The following UBAC2 variants were observed in gnomAD, a reference collection of about 807,000 sequenced individuals.
UBAC2 encodes ubiquitin-associated domain-containing protein 2.
A neutral mutation model predicts 44.0 loss-of-function variants in UBAC2; 26 were observed. The observed-to-expected ratio is 0.59, with a 90% CI of 0.43 to 0.82. The LOEUF is 0.82. Among genes scored for constraint, UBAC2 ranks in the 40% least tolerant of loss-of-function variants. The pLI is 0.00. For synonymous variants in UBAC2, 155 were observed against 154.3 expected, an observed-to-expected ratio of 1.00 and a Z score of -0.04; for missense variants, 329 against 419.4, an observed-to-expected ratio of 0.78 and a Z score of 1.88.
At chr13:99,332,053 TATC>T in intron 6 of UBAC2, among the ~76,000 whole-genome samples, 1 of 152,214 alleles carries the variant, frequency 6.6e-6, no homozygotes, top group South Asian at 2.1e-4. Context: ...GCAGAGGCAA[TATC>T]ATGCCCCTGG....
chr13:99,343,546 T>C (rs1347567909), intron 7 of UBAC2, among the ~76,000 whole-genome samples: 1 of 152,226 alleles, frequency 6.6e-6, no homozygotes, highest in African/African-American at 2.4e-5. Context: ...TCCACTTTCA[T>C]AGGATGGTCT....
chr13:99,356,247 A>T (rs368834775), intron 7 of UBAC2: 2 of 529,722 alleles, frequency 3.8e-6, no homozygotes, highest in African/African-American at 3.9e-5. Context: ...GCCATCCCCA[A>T]TCAGTCCCTG....
At chr13:99,347,180 G>C (rs2138846594) in intron 7 of UBAC2, among the ~76,000 whole-genome samples, 1 of 142,848 alleles carries the variant, frequency 7.0e-6, no homozygotes, top group Admixed American at 7.0e-5. Context: ...CCCATGTCTA[G>C]AGAGTGCAAA....
At chr13:99,346,743 C>T (rs1261083174) in intron 7 of UBAC2, among the ~76,000 whole-genome samples, 3 of 152,194 alleles carry the variant, frequency 2.0e-5, no homozygotes, top group African/African-American at 4.8e-5. Flanking sequence ...CTCTCTCTGC[C>T]CCTGTAGACA....
At position 99,318,946 on chromosome 13, in the gene UBAC2, GA is replaced by G. The variant is rs540919224; in HGVS notation, c.561+888del. On this transcript the variant is annotated intron_variant, in intron 6 of 8. Coordinates refer to ENST00000403766, the MANE Select transcript of UBAC2 (RefSeq NM_001144072.2). Reference sequence around the variant, plus strand: ...TTGTCAGTGTTGTTTTTAAATCATAGAAAAAAAAAAAGCCTGAAAATGAAGA... The same window carrying G: ...TTGTCAGTGTTGTTTTTAAATCATAGAAAAAAAAAAGCCTGAAAATGAAGA... Among the ~76,000 whole-genome samples the G allele has an allele frequency of 5.3e-3, 697 of 131,346 alleles. 5 individuals are homozygous for G. The highest frequency in any genetic ancestry group is 0.016 in the African/African-American group (568 of 35,534). 86.2% of individuals were successfully genotyped at this position (131,346 alleles called of 152,430 possible).
intron 1 of UBAC2, among the ~76,000 whole-genome samples, chr13:99,232,399 G>GAGATAGATAGATATATAT (rs1367302629): frequency 2.1e-4 from 23 of 109,902 alleles, no homozygotes; most frequent in African/African-American, 6.3e-4. Context: ...TTAGTTGAGA[G>GAGATAGATAGATATATAT]ATATAGATAT....
chr13:99,201,924 T>A (rs1050573761), intron 1 of UBAC2, among the ~76,000 whole-genome samples: 4 of 151,858 alleles, frequency 2.6e-5, no homozygotes, highest in Non-Finnish European at 5.9e-5. Context: ...ACACAAAAAA[T>A]TAGCTGGGCG....
chr13:99,219,392 C>T (rs1248286401), intron 1 of UBAC2, among the ~76,000 whole-genome samples: 1 of 152,176 alleles, frequency 6.6e-6, no homozygotes, highest in Non-Finnish European at 1.5e-5. Context: ...ACTTCCAGTA[C>T]ATTTACATTG....
At chr13:99,338,071 T>TTTTTTTTTTTTTTTTTTTTA (rs1555330450) in intron 6 of UBAC2, among the ~76,000 whole-genome samples, 12 of 105,078 alleles carry the variant, frequency 1.1e-4, no homozygotes, top group East Asian at 2.8e-4. Context: ...TTTTTTTTTT[T>TTTTTTTTTTTTTTTTTTTTA]TTTTGAGACA....
intron 7 of UBAC2, among the ~76,000 whole-genome samples, chr13:99,342,606 C>T (rs2044908197): frequency 6.6e-6 from 1 of 152,154 alleles, no homozygotes; most frequent in South Asian, 2.1e-4. Context: ...CATTCGTGTG[C>T]CAGCGCTGGG....
intron 8 of UBAC2, among the ~76,000 whole-genome samples, chr13:99,374,747 G>A (rs1006860806): frequency 6.6e-6 from 1 of 152,128 alleles, no homozygotes; most frequent in Admixed American, 6.5e-5. Context: ...GCCAAGCATG[G>A]CAGCACATTG....
chr13:99,201,527 G>T, intron 1 of UBAC2: 1 of 1,614,184 alleles, frequency 6.2e-7, no homozygotes, highest in African/African-American at 1.3e-5. Flanking sequence ...CTGTGCTGCT[G>T]GATGTTGCTG....
intron 4 of UBAC2, among the ~76,000 whole-genome samples, chr13:99,257,242 A>G (rs1309229254): frequency 6.6e-6 from 1 of 152,236 alleles, no homozygotes; most frequent in Non-Finnish European, 1.5e-5. Context: ...CTATCAAATG[A>G]GGAAAGTGCT....
chr13:99,208,495 T>G lies in UBAC2; in HGVS notation c.31+7556T>G, dbSNP rs2042901216. On this transcript the variant is annotated intron_variant, in intron 1 of 8. Transcript: ENST00000403766. ...GGCCACATAAGGTGATGATCTTAGGTGATAGAAGTCTTGAAATGTAGGCTC... is the reference window on the plus strand; with the variant it reads ...GGCCACATAAGGTGATGATCTTAGGGGATAGAAGTCTTGAAATGTAGGCTC... Among the ~76,000 whole-genome samples the G allele has an allele frequency of 2.0e-5, 3 of 152,354 alleles. No homozygotes were observed. In the South Asian group the frequency reaches 6.2e-4, roughly 32 times the overall value.
At chr13:99,341,244 T>C (rs1001798812) in intron 7 of UBAC2, among the ~76,000 whole-genome samples, 3 of 152,174 alleles carry the variant, frequency 2.0e-5, no homozygotes, top group African/African-American at 7.2e-5. Flanking sequence ...CGCCTCCACC[T>C]TCTTTACCCC....
At chr13:99,358,878 C>T (rs1287577047) in intron 7 of UBAC2, among the ~76,000 whole-genome samples, 1 of 152,120 alleles carries the variant, frequency 6.6e-6, no homozygotes, top group Non-Finnish European at 1.5e-5. Flanking sequence ...TTAGGTGTCT[C>T]CTTAACATTT....
chr13:99,232,399 GATATAGATAT>G (rs2043184495), intron 1 of UBAC2, among the ~76,000 whole-genome samples: 1 of 109,902 alleles, frequency 9.1e-6, no homozygotes, highest in Non-Finnish European at 2.1e-5. Context: ...TTAGTTGAGA[GATATAGATAT>G]ATATATATAT....
intron 8 of UBAC2, among the ~76,000 whole-genome samples, chr13:99,369,508 G>A (rs1379698019): frequency 6.6e-6 from 1 of 152,168 alleles, no homozygotes; most frequent in Non-Finnish European, 1.5e-5. Flanking sequence ...CCCAACTGTA[G>A]GGTAATGTTA....
chr13:99,247,997 C>T (rs927888276), intron 4 of UBAC2, among the ~76,000 whole-genome samples: 1 of 152,022 alleles, frequency 6.6e-6, no homozygotes, highest in African/African-American at 2.4e-5. Flanking sequence ...TGCTTTTAAC[C>T]TCTCGTTGTT....
Sources: allele counts gnomAD v4.1 joint callset (sites outside exome capture counted in the v4.1 genomes callset), GRCh38; gene constraint gnomAD v4.1.1; transcripts MANE v1.5; gene names NCBI Gene and HGNC (gene_info 2026-07-23, HGNC 2026-07-21).